Variants in CARMIL1 observed in about 807,000 individuals in gnomAD.
CARMIL1 encodes the protein capping protein regulator and myosin 1 linker 1.
In CARMIL1, 90 loss-of-function variants were observed where a neutral mutation model predicts 177.1. The observed-to-expected ratio is 0.51, with a 90% confidence interval of 0.43 to 0.61. CARMIL1 has a LOEUF of 0.61. Among genes scored for constraint, CARMIL1 ranks in the 20% least tolerant of loss-of-function variants. CARMIL1 has a pLI of 0.00. For synonymous variants in CARMIL1, 577 were observed against 606.2 expected, an observed-to-expected ratio of 0.95 and a Z score of 0.71; for missense variants, 1,380 against 1,667.0, an observed-to-expected ratio of 0.83 and a Z score of 3.00.
rs752184338 is a variant in CARMIL1, at chr6:25,489,564, G to GT, written c.1065+982dup. ...CCCCTCTAGTCACCAAGATAGAATT[G>GT]TTTCTTTAACAACATGGCCTACACC... On this transcript the variant is annotated intron_variant, in intron 13 of 36. Coordinates refer to ENST00000329474, the MANE Select transcript of CARMIL1 (RefSeq NM_017640.6). 9.2e-5 allele frequency among the ~76,000 whole-genome samples: 14 copies of GT among 152,256 alleles called. No individual in the cohort carries two copies. The South Asian group carries it at 2.9e-3, about 32-fold the overall frequency.
chr6:25,556,921 T>TAA (rs57318254), intron 29 of CARMIL1, 71 bp downstream of exon 29: 422,892 of 1,320,820 alleles, frequency 0.32, 28,594 homozygotes, highest in African/African-American at 0.39. Context: ...TTTTTTTTTT[T>TAA]AAATCTCACC....
chr6:25,343,381 G>A (rs1206642759), intron 2 of CARMIL1, among the ~76,000 whole-genome samples: 1 of 150,930 alleles, frequency 6.6e-6, no homozygotes, highest in Non-Finnish European at 1.5e-5. Flanking sequence ...ATGAACAAGG[G>A]ATAAGTCTGT....
chr6:25,512,781 G>A (rs1223055237), intron 20 of CARMIL1, among the ~76,000 whole-genome samples: 1 of 152,132 alleles, frequency 6.6e-6, no homozygotes, highest in African/African-American at 2.4e-5. Context: ...AGAGTCATGG[G>A]ACAGTAACAT....
intron 2 of CARMIL1, among the ~76,000 whole-genome samples, chr6:25,312,878 C>T (rs1355490209): frequency 6.8e-6 from 1 of 147,868 alleles, no homozygotes; most frequent in African/African-American, 2.5e-5. Context: ...TCTGCCAGTG[C>T]CTAAAATTTC....
intron 15 of CARMIL1, among the ~76,000 whole-genome samples, chr6:25,493,568 A>G (rs1803428883): frequency 6.6e-6 from 1 of 152,176 alleles, no homozygotes; most frequent in Non-Finnish European, 1.5e-5. Flanking sequence ...TCCTATCTAG[A>G]ACATTCACAG....
At chr6:25,489,064 C>G (rs975382632) in intron 13 of CARMIL1, among the ~76,000 whole-genome samples, 3 of 152,110 alleles carry the variant, frequency 2.0e-5, no homozygotes, top group Non-Finnish European at 4.4e-5. Context: ...ACTCAGGAGG[C>G]TGAGGCAGGA....
At chr6:25,570,353 T>G (rs2151216963) in intron 29 of CARMIL1, among the ~76,000 whole-genome samples, 1 of 152,270 alleles carries the variant, frequency 6.6e-6, no homozygotes, top group Middle Eastern at 3.4e-3. Flanking sequence ...CCAACAGGAG[T>G]CACACACATT....
chr6:25,364,844 C>T (rs78180012), intron 2 of CARMIL1, among the ~76,000 whole-genome samples: 12,339 of 152,134 alleles, frequency 0.081, 508 homozygotes, highest in East Asian at 0.14. Context: ...GGGTGAATTC[C>T]TTTAAGTAGA....
chr6:25,465,879 A>C lies in CARMIL1; in HGVS notation c.621A>C (p.Leu207=). 6.2e-7 allele frequency: 1 copy of C among 1,609,706 alleles called. No individual in the cohort carries two copies. The highest frequency in any genetic ancestry group is 8.5e-7 in the Non-Finnish European group (1 of 1,176,086). The change falls in exon 9 of 37, where the codon CTA becomes CTC. Residue 207 remains leucine, a synonymous_variant. Transcript: ENST00000329474. ...QDFSHLDHRD[L]IPIIAALEYN... is the part of the protein sequence containing the mutation. ...TTGTTGTTTCTGCTTCCAGGGACCT[A>C]ATACCTATCATTGCTGCTCTGGAAT...
chr6:25,490,744 A>T (rs776936820), intron 13 of CARMIL1, among the ~76,000 whole-genome samples: 1 of 71,564 alleles, frequency 1.4e-5, no homozygotes, highest in African/African-American at 7.5e-5. Flanking sequence ...TAAATAAATA[A>T]ATAAATAAAA....
chr6:25,406,650 T>A (rs530111128), intron 2 of CARMIL1, among the ~76,000 whole-genome samples: 20 of 152,134 alleles, frequency 1.3e-4, no homozygotes, highest in Admixed American at 4.6e-4. Flanking sequence ...ACTTGGAGAA[T>A]GACTAAGATA....
chr6:25,326,249 A>C lies in CARMIL1; in HGVS notation c.138+41340A>C, dbSNP rs1785084478. 1.3e-5 allele frequency among the ~76,000 whole-genome samples: 2 copies of C among 152,168 alleles called. No homozygotes were observed. The highest frequency in any genetic ancestry group is 4.1e-4 in the South Asian group (2 of 4,824). On this transcript the variant is annotated intron_variant, in intron 2 of 36. Transcript: ENST00000329474. The surrounding 1 kb of genome is among the most constrained non-coding windows in gnomAD (Gnocchi z 4.2). The stretch of plus-strand genomic sequence containing the variant: ...GCCAGCCATTTGAAGAGTGAGGGAA[A>C]GGGGTTTCCAGGCAGATTCAATATA...
chr6:25,507,359 T>C (rs1207649286), intron 17 of CARMIL1: 1 of 152,286 alleles, frequency 6.6e-6, no homozygotes, highest in Non-Finnish European at 1.5e-5. Flanking sequence ...GTTAGAAGTA[T>C]TTTTTCTGAC....
chr6:25,459,268 T>TTCTTTCTTCCTTTCTTCCTTTC (rs760311925), intron 8 of CARMIL1, among the ~76,000 whole-genome samples: 1 of 121,194 alleles, frequency 8.3e-6, no homozygotes. Flanking sequence ...CTTTCTTTCT[T>TTCTTTCTTCCTTTCTTCCTTTC]TTTTTTTTTT....
intron 24 of CARMIL1, among the ~76,000 whole-genome samples, chr6:25,534,705 G>A (rs112397643): frequency 1.8e-3 from 277 of 152,234 alleles, no homozygotes; most frequent in African/African-American, 6.3e-3. Flanking sequence ...TGTCCTTGTG[G>A]ATATTACATT....
chr6:25,322,952 A>G (rs763058166), intron 2 of CARMIL1, among the ~76,000 whole-genome samples: 2 of 152,166 alleles, frequency 1.3e-5, no homozygotes, highest in Non-Finnish European at 2.9e-5. Context: ...ATGATGATTT[A>G]TGGTCCATTT....
intron 23 of CARMIL1, 58 bp from the exon 24 acceptor site, chr6:25,528,737 C>G (rs1807413399): frequency 7.8e-7 from 1 of 1,279,018 alleles, no homozygotes; most frequent in Non-Finnish European, 1.1e-6. Context: ...TTCACTTATA[C>G]TTTATTCTCC....
chr6:25,315,783 G>A (rs1227449562), intron 2 of CARMIL1, among the ~76,000 whole-genome samples: 1 of 152,190 alleles, frequency 6.6e-6, no homozygotes, highest in Non-Finnish European at 1.5e-5. Context: ...CACAGAACCA[G>A]ATACAGCAGA....
chr6:25,324,160 C>T (rs916247672), intron 2 of CARMIL1, among the ~76,000 whole-genome samples: 2 of 152,184 alleles, frequency 1.3e-5, no homozygotes, highest in African/African-American at 4.8e-5. Context: ...AACACCTTCT[C>T]CTGTCTGCTG....
Sources: allele counts gnomAD v4.1 joint callset (sites outside exome capture counted in the v4.1 genomes callset), GRCh38; gene constraint gnomAD v4.1.1; non-coding constraint Gnocchi (gnomAD v3.1); transcripts MANE v1.5; gene names NCBI Gene and HGNC (gene_info 2026-07-23, HGNC 2026-07-21).